The following TRPS1 variants were observed in gnomAD, a reference collection of about 807,000 sequenced individuals.
TRPS1 encodes transcriptional repressor GATA binding 1, also known as zinc finger transcription factor Trps1.
TRPS1 carries 6 observed loss-of-function variants against 101.2 expected under a neutral mutation model. That is an observed-to-expected ratio of 0.06 (90% CI 0.03 to 0.12). The LOEUF is 0.12. TRPS1 is among the 10% of genes least tolerant of loss of function. The probability of loss-of-function intolerance (pLI) is 1.00; values close to 1 mark genes in which losing one functional copy is unlikely to be tolerated. For missense variants in TRPS1, 1,363 were observed against 1,567.0 expected (o/e 0.87, Z 2.20); for synonymous variants, 578 against 589.8 (o/e 0.98, Z 0.29).
At position 115,604,737 on chromosome 8, in the gene TRPS1, T is replaced by C; in HGVS notation, c.1232A>G (p.Gln411Arg). The C allele has an allele frequency of 6.2e-7, 1 of 1,613,898 alleles. No homozygotes were observed. Among genetic ancestry groups the C allele is most frequent in the Non-Finnish European group, 8.5e-7 (1 of 1,179,920 alleles). The change falls in exon 4 of 7, where the codon CAG becomes CGG. Residue 411 changes from glutamine (Q) to arginine (R), a missense_variant. Physicochemically the swap from Gln to Arg is conservative, Grantham distance 43 (BLOSUM62 1). Coordinates refer to ENST00000395715, the MANE Select transcript of TRPS1 (RefSeq NM_014112.5). This position sits in a 1 kb window ranked among gnomAD's most constrained non-coding sequence, Gnocchi z 4.1. The stretch of plus-strand genomic sequence containing the variant: ...TCCTGCTTTGACTGTTATCTTGTCC[T>C]GCCATTTTCCCAAGTCTCCAGAATC... ...SSDSGDLGKW[Q>R]DKITVKAGDD...
chr8:115,639,719 C>A (rs189162539), intron 1 of TRPS1, among the ~76,000 whole-genome samples: 1 of 151,994 alleles, frequency 6.6e-6, no homozygotes, highest in Admixed American at 6.6e-5. Context: ...GTTCCAGGTA[C>A]TCCAGAGGCT....
chr8:115,656,888 T>G (rs986844493), intron 1 of TRPS1, among the ~76,000 whole-genome samples: 6 of 152,090 alleles, frequency 3.9e-5, no homozygotes, highest in African/African-American at 1.4e-4. Flanking sequence ...AAAGATAAAG[T>G]ACTTCCTCTA....
intron 3 of TRPS1, among the ~76,000 whole-genome samples, chr8:115,617,592 G>A (rs1038041889): frequency 1.3e-5 from 2 of 152,142 alleles, no homozygotes; most frequent in Admixed American, 6.5e-5. Flanking sequence ...AGACTGAAAC[G>A]CCTGCCGGAA....
At chr8:115,443,848 A>C (rs549630337) in intron 5 of TRPS1, among the ~76,000 whole-genome samples, 2 of 152,368 alleles carry the variant, frequency 1.3e-5, no homozygotes, top group South Asian at 4.1e-4. Flanking sequence ...ACTGGCTGAC[A>C]CCAACATTTG....
intron 3 of TRPS1, among the ~76,000 whole-genome samples, chr8:115,607,737 A>G (rs1189945113): frequency 6.6e-6 from 1 of 152,022 alleles, no homozygotes; most frequent in Non-Finnish European, 1.5e-5. Flanking sequence ...ACATAATGAC[A>G]GTGTTCTATT....
At chr8:115,494,151 T>C (rs1454801428) in intron 5 of TRPS1, among the ~76,000 whole-genome samples, 4 of 152,216 alleles carry the variant, frequency 2.6e-5, no homozygotes, top group Non-Finnish European at 5.9e-5. Context: ...TTTTCTCCCA[T>C]GGCTTGAATC....
At chr8:115,449,994 TAC>T (rs1813828464) in intron 5 of TRPS1, among the ~76,000 whole-genome samples, 1 of 90,762 alleles carries the variant, frequency 1.1e-5, no homozygotes, top group African/African-American at 4.8e-5. Context: ...CACACAGACA[TAC>T]ACACACAGAG....
intron 5 of TRPS1, among the ~76,000 whole-genome samples, chr8:115,570,360 G>A (rs1012957016): frequency 4.0e-5 from 6 of 151,736 alleles, no homozygotes; most frequent in Admixed American, 6.6e-5. Flanking sequence ...TTACACAGGC[G>A]GTACGGCAGT....
Position 115,568,483 on chromosome 8 carries a change from T to A in TRPS1, c.2700+18518A>T, listed in dbSNP as rs537955896. On this transcript the variant is annotated intron_variant, in intron 5 of 6. Coordinates refer to ENST00000395715, the MANE Select transcript of TRPS1 (RefSeq NM_014112.5). ...CCAAAGTTAAATTTTTAAAACATAG[T>A]TTACTATAAAAAATTATCAACAAAT... is the stretch of plus-strand genomic sequence containing the variant. Among the ~76,000 whole-genome samples the A allele has an allele frequency of 1.4e-3, 206 of 152,206 alleles. 2 individuals are homozygous for A. Among genetic ancestry groups the A allele is most frequent in the African/African-American group, 4.8e-3 (201 of 41,560 alleles).
intron 5 of TRPS1, among the ~76,000 whole-genome samples, chr8:115,454,965 T>C (rs902134815): frequency 1.3e-5 from 2 of 152,230 alleles, no homozygotes; most frequent in Admixed American, 6.5e-5. Context: ...GTTTTTCTTT[T>C]TATAAACTTC....
At chr8:115,432,091 G>C (rs1813334321) in intron 5 of TRPS1, among the ~76,000 whole-genome samples, 1 of 151,354 alleles carries the variant, frequency 6.6e-6, no homozygotes, top group African/African-American at 2.4e-5. Flanking sequence ...CTTTTAAAAT[G>C]TCAACTTGAA....
intron 5 of TRPS1, among the ~76,000 whole-genome samples, chr8:115,533,293 C>T (rs1459684276): frequency 6.6e-6 from 1 of 152,066 alleles, no homozygotes; most frequent in Non-Finnish European, 1.5e-5. Context: ...GAATCAAGGT[C>T]AGTAGGAAAA....
intron 5 of TRPS1, among the ~76,000 whole-genome samples, chr8:115,570,244 A>G (rs1817168848): frequency 6.6e-6 from 1 of 152,160 alleles, no homozygotes; most frequent in African/African-American, 2.4e-5. Flanking sequence ...TATACCCTAA[A>G]GGTTATTGGA....
intron 5 of TRPS1, among the ~76,000 whole-genome samples, chr8:115,552,158 TA>T (rs1359360134): frequency 6.6e-6 from 1 of 152,176 alleles, no homozygotes; most frequent in Non-Finnish European, 1.5e-5. Context: ...TAAACATAGG[TA>T]TCACTTACAG....
intron 4 of TRPS1, among the ~76,000 whole-genome samples, chr8:115,601,644 T>C (rs1817910374): frequency 6.6e-6 from 1 of 152,250 alleles, no homozygotes; most frequent in African/African-American, 2.4e-5. Context: ...TTTCAATTTT[T>C]AGCTAATAAA....
intron 5 of TRPS1, among the ~76,000 whole-genome samples, chr8:115,522,849 G>T (rs1454621388): frequency 6.6e-6 from 1 of 151,978 alleles, no homozygotes; most frequent in East Asian, 1.9e-4. Flanking sequence ...ACAGGGATGT[G>T]GTTTACCACC....
Position 115,604,721 on chromosome 8 carries a change from G to C in TRPS1, c.1248C>G (p.Val416=). The change falls in exon 4 of 7, where the codon GTC becomes GTG. Residue 416 remains valine (V), a synonymous_variant. Transcript: ENST00000395715. This position sits in a 1 kb window ranked among gnomAD's most constrained non-coding sequence, Gnocchi z 4.1. ...DLGKWQDKIT[V]KAGDDTPVGY... ...CAACAGGAGTGTCATCTCCTGCTTT[G>C]ACTGTTATCTTGTCCTGCCATTTTC... 1.2e-6 allele frequency: 2 copies of C among 1,613,786 alleles called. No homozygotes were observed. The highest frequency in any genetic ancestry group is 1.1e-5 in the South Asian group (1 of 91,072).
chr8:115,500,957 A>AACCAG (rs1461498840), intron 5 of TRPS1, among the ~76,000 whole-genome samples: 1 of 152,012 alleles, frequency 6.6e-6, no homozygotes, highest in Non-Finnish European at 1.5e-5. Context: ...ATCCTAAATG[A>AACCAG]ACCAGACATT....
intron 1 of TRPS1, among the ~76,000 whole-genome samples, chr8:115,626,937 A>AAATT (rs1233378285): frequency 6.6e-6 from 1 of 151,830 alleles, no homozygotes; most frequent in Non-Finnish European, 1.5e-5. Context: ...AGTAAGTAAT[A>AAATT]AATGTCCTAT....
Sources: gnomAD v4.1 joint callset for allele counts (sites outside exome capture counted in the v4.1 genomes callset) on GRCh38, gnomAD v4.1.1 for gene constraint, Gnocchi (gnomAD v3.1) non-coding constraint, MANE v1.5 for transcripts, NCBI Gene and HGNC (gene_info 2026-07-23, HGNC 2026-07-21) for gene names.